EYS: variants seen among roughly 807,000 people sequenced by gnomAD.
EYS encodes the protein protein eyes shut homolog.
EYS carries 250 observed loss-of-function variants against 282.1 expected under a neutral mutation model. That is an observed-to-expected ratio of 0.89 (90% CI 0.80 to 0.98). The LOEUF is 0.98. EYS is among the 50% of genes least tolerant of loss of function. The pLI is 0.00. For missense variants in EYS, 4,016 were observed against 3,709.0 expected (o/e 1.08, Z -2.15); for synonymous variants, 1,355 against 1,282.9 (o/e 1.06, Z -1.20).
chr6:64,435,169 G>GA (rs962973376), intron 28 of EYS, among the ~76,000 whole-genome samples: 2 of 151,070 alleles, frequency 1.3e-5, no homozygotes, highest in South Asian at 2.1e-4. Flanking sequence ...TAAGCATTAA[G>GA]AAAAAAAAGA....
At chr6:64,695,303 G>T (rs1770534297) in intron 22 of EYS, among the ~76,000 whole-genome samples, 1 of 152,104 alleles carries the variant, frequency 6.6e-6, no homozygotes, top group Admixed American at 6.6e-5. Flanking sequence ...CTTCTTGCCT[G>T]GAGGTCAACT....
At chr6:65,376,410 C>T (rs944191319) in intron 8 of EYS, among the ~76,000 whole-genome samples, 5 of 152,110 alleles carry the variant, frequency 3.3e-5, no homozygotes, top group African/African-American at 1.2e-4. Context: ...TGATACCAGC[C>T]ACTGCAAAAA....
chr6:63,739,024 T>G (rs925623201), intron 41 of EYS, among the ~76,000 whole-genome samples: 11 of 152,150 alleles, frequency 7.2e-5, no homozygotes, highest in Non-Finnish European at 1.5e-4. Flanking sequence ...ATCTTTCCTT[T>G]TTCTCATCCT....
chr6:63,767,738 T>C (rs1769830742), intron 40 of EYS, among the ~76,000 whole-genome samples: 1 of 152,022 alleles, frequency 6.6e-6, no homozygotes, highest in South Asian at 2.1e-4. Context: ...AAAATTCATA[T>C]GGAAACAAAA....
At chr6:64,469,549 G>C (rs1222739742) in intron 26 of EYS, among the ~76,000 whole-genome samples, 2 of 152,158 alleles carry the variant, frequency 1.3e-5, no homozygotes, top group African/African-American at 4.8e-5. Flanking sequence ...AAGAGTGCGA[G>C]CCTTCTGTTA....
At chr6:65,039,631 G>A (rs778296568) in intron 13 of EYS, among the ~76,000 whole-genome samples, 66 of 151,076 alleles carry the variant, frequency 4.4e-4, no homozygotes, top group Admixed American at 1.6e-3. Context: ...ATTTCTCTTC[G>A]CAATGTTTTG....
intron 28 of EYS, among the ~76,000 whole-genome samples, chr6:64,393,887 T>C (rs921291320): frequency 1.3e-5 from 2 of 151,846 alleles, no homozygotes; most frequent in Middle Eastern, 3.4e-3. Context: ...AAAACCCCAT[T>C]GTCTCAGCCC....
chr6:64,869,533 T>C (rs1018569334), intron 19 of EYS, among the ~76,000 whole-genome samples: 3 of 151,706 alleles, frequency 2.0e-5, no homozygotes, highest in Admixed American at 6.6e-5. Flanking sequence ...AAGAGTTCCC[T>C]TTTAAGAGAA....
intron 10 of EYS, among the ~76,000 whole-genome samples, chr6:65,340,723 A>C (rs1471366877): frequency 6.6e-6 from 1 of 151,182 alleles, no homozygotes; most frequent in African/African-American, 2.4e-5. Context: ...CTGATGCACT[A>C]CTAAGACTCT....
chr6:64,198,936 CCCA>C (rs1395924487), intron 31 of EYS, among the ~76,000 whole-genome samples: 2 of 152,134 alleles, frequency 1.3e-5, no homozygotes, highest in East Asian at 1.9e-4. Flanking sequence ...AATTTACACT[CCCA>C]CCAACAGTGT....
At chr6:64,566,494 G>A (rs1236063346) in intron 26 of EYS, among the ~76,000 whole-genome samples, 5 of 152,118 alleles carry the variant, frequency 3.3e-5, no homozygotes, top group African/African-American at 9.7e-5. Flanking sequence ...TGGATAAAAT[G>A]CAGAATTGAT....
intron 11 of EYS, among the ~76,000 whole-genome samples, chr6:65,306,376 C>G (rs4079463): frequency 6.6e-6 from 1 of 152,080 alleles, no homozygotes; most frequent in Non-Finnish European, 1.5e-5. Flanking sequence ...ATTTATGTAT[C>G]GACACACCTC....
rs1056618232 is a variant in EYS at position 64,553,556 on chromosome 6, C to G, written c.5644+36667G>C. On this transcript the variant is annotated intron_variant, in intron 26 of 42. Transcript: ENST00000503581. ...GTGACTTTTGTTTGACCCCCCCCCCCCCATAGGCAGTTACAAGGCAAATGT... is the reference window on the plus strand; with the variant it reads ...GTGACTTTTGTTTGACCCCCCCCCCGCCATAGGCAGTTACAAGGCAAATGT... Among the ~76,000 whole-genome samples, 104 of 137,504 alleles carry G rather than the reference C, an allele frequency of 7.6e-4. 11 individuals carry two copies. Among genetic ancestry groups the G allele is most frequent in the Non-Finnish European group, 1.4e-3 (89 of 63,336 alleles). The allele number at this position is 137,504 out of a possible 152,430, so 90.2% of individuals were successfully genotyped here.
intron 1 of EYS, among the ~76,000 whole-genome samples, chr6:65,664,378 G>A (rs1259253829): frequency 1.3e-5 from 2 of 152,020 alleles, no homozygotes; most frequent in Admixed American, 1.3e-4. Context: ...AAGAAAAGAA[G>A]AACATCAATC....
At chr6:64,532,468 GGGAGGC>G (rs979934800) in intron 26 of EYS, among the ~76,000 whole-genome samples, 3 of 152,134 alleles carry the variant, frequency 2.0e-5, no homozygotes, top group Non-Finnish European at 2.9e-5. Flanking sequence ...CCAGCACTTT[GGGAGGC>G]GGAGGCGAGC....
chr6:64,116,985 C>G (rs1423858773), intron 31 of EYS, among the ~76,000 whole-genome samples: 2 of 151,882 alleles, frequency 1.3e-5, no homozygotes, highest in Non-Finnish European at 2.9e-5. Flanking sequence ...AATTTAATAC[C>G]TCACTTTCAG....
chr6:65,261,872 A>G (rs562657622), intron 12 of EYS, among the ~76,000 whole-genome samples: 2 of 152,080 alleles, frequency 1.3e-5, no homozygotes, highest in Non-Finnish European at 2.9e-5. Context: ...GAAACAGTCT[A>G]TAGCTGTTCT....
chr6:65,240,263 C>T (rs575337245), intron 12 of EYS, among the ~76,000 whole-genome samples: 6 of 152,026 alleles, frequency 3.9e-5, no homozygotes, highest in South Asian at 4.2e-4. Context: ...CCACCATGCC[C>T]GGCTGATTTT....
chr6:64,742,986 G>A (rs561398289), intron 22 of EYS, among the ~76,000 whole-genome samples: 8 of 152,168 alleles, frequency 5.3e-5, no homozygotes, highest in African/African-American at 1.4e-4. Flanking sequence ...AAGATTAAAG[G>A]ATTTAGTCTC....
Sources: allele counts gnomAD v4.1 joint callset (sites outside exome capture counted in the v4.1 genomes callset), GRCh38; gene constraint gnomAD v4.1.1; transcripts MANE v1.5; gene names NCBI Gene and HGNC (gene_info 2026-07-23, HGNC 2026-07-21).